Variants in RAD51B observed in about 807,000 individuals in gnomAD.
The protein encoded by RAD51B is DNA repair protein RAD51 homolog 2.
In RAD51B, 38 loss-of-function variants were observed where a neutral mutation model predicts 42.2. That is an observed-to-expected ratio of 0.90 (90% CI 0.70 to 1.18). The LOEUF (loss-of-function observed/expected upper bound fraction) is 1.18, where lower values mean the gene tolerates loss of function less well. Among genes scored for constraint, RAD51B ranks in the 50% most tolerant of loss-of-function variants. The pLI, the probability that RAD51B is intolerant of heterozygous loss-of-function variation, is 0.00. For missense variants in RAD51B, 373 were observed against 400.7 expected (o/e 0.93, Z 0.59); for synonymous variants, 154 against 145.2 (o/e 1.06, Z -0.43).
intron 7 of RAD51B, among the ~76,000 whole-genome samples, chr14:68,059,387 C>T (rs908064122): frequency 6.6e-6 from 1 of 152,184 alleles, no homozygotes; most frequent in Admixed American, 6.6e-5. Context: ...ACCTTCAAGA[C>T]ACAATGGCCT....
At chr14:68,527,266 T>TA (rs146749271) in intron 10 of RAD51B, among the ~76,000 whole-genome samples, 108 of 152,364 alleles carry the variant, frequency 7.1e-4, no homozygotes, top group African/African-American at 2.4e-3. Context: ...TACAGTATTT[T>TA]TCAAAGTAAA....
chr14:68,603,130 A>C (rs1891292333), intron 10 of RAD51B, among the ~76,000 whole-genome samples: 1 of 152,152 alleles, frequency 6.6e-6, no homozygotes, highest in Admixed American at 6.5e-5. Flanking sequence ...CCAGAGTCCG[A>C]ACCTCAGACA....
chr14:68,356,777 C>T (rs1291309124), intron 8 of RAD51B, among the ~76,000 whole-genome samples: 3 of 151,334 alleles, frequency 2.0e-5, no homozygotes, highest in Non-Finnish European at 4.4e-5. Flanking sequence ...GTCAGGAGAT[C>T]GAGACCATCC....
At chr14:68,061,132 A>G (rs2076562137) in intron 7 of RAD51B, among the ~76,000 whole-genome samples, 1 of 140,262 alleles carries the variant, frequency 7.1e-6, no homozygotes, top group Admixed American at 8.0e-5. Context: ...GCAGTCTCTC[A>G]ATCTTGGCTC....
chr14:67,936,352 G>C (rs2044949704), intron 7 of RAD51B, among the ~76,000 whole-genome samples: 2 of 152,168 alleles, frequency 1.3e-5, no homozygotes, highest in African/African-American at 4.8e-5. Context: ...TATAATGTGT[G>C]TTCTTTTGTG....
At chr14:68,383,740 C>A (rs1049908630) in intron 8 of RAD51B, among the ~76,000 whole-genome samples, 4 of 152,074 alleles carry the variant, frequency 2.6e-5, no homozygotes, top group African/African-American at 9.7e-5. Context: ...GGGTCTTCTT[C>A]ACCTGTGCAT....
chr14:68,064,914 A>G (rs924702602), intron 7 of RAD51B, among the ~76,000 whole-genome samples: 5 of 151,974 alleles, frequency 3.3e-5, no homozygotes, highest in African/African-American at 1.2e-4. Flanking sequence ...ATTATTTTGT[A>G]TCTTGCTGAG....
chr14:68,381,525 A>C (rs959875633), intron 8 of RAD51B, among the ~76,000 whole-genome samples: 3 of 151,996 alleles, frequency 2.0e-5, no homozygotes, highest in African/African-American at 7.3e-5. Flanking sequence ...AATACAAAAA[A>C]ATTAACCAGG....
At chr14:68,455,645 A>C (rs563773475) in intron 9 of RAD51B, among the ~76,000 whole-genome samples, 13 of 152,010 alleles carry the variant, frequency 8.6e-5, no homozygotes, top group African/African-American at 2.9e-4. Flanking sequence ...GCATGAACCC[A>C]GGAGGCGGAG....
chr14:68,664,285 C>A (rs1328840187), intron 11 of RAD51B, among the ~76,000 whole-genome samples: 2 of 152,126 alleles, frequency 1.3e-5, no homozygotes, highest in African/African-American at 4.8e-5. Context: ...TAGAGTCCCC[C>A]AACCACCAAG....
chr14:67,878,543 G>A (rs1024457428), intron 5 of RAD51B, among the ~76,000 whole-genome samples: 4 of 151,572 alleles, frequency 2.6e-5, no homozygotes, highest in Admixed American at 2.0e-4. Flanking sequence ...TTGCTTTATG[G>A]CTGTAGTTTT....
At chr14:68,360,281 C>G (rs965494886) in intron 8 of RAD51B, among the ~76,000 whole-genome samples, 1 of 152,248 alleles carries the variant, frequency 6.6e-6, no homozygotes, top group Non-Finnish European at 1.5e-5. Flanking sequence ...CGCTCCCTCT[C>G]CTGGAATGCC....
intron 4 of RAD51B, among the ~76,000 whole-genome samples, chr14:67,857,438 T>G (rs1446605088): frequency 6.6e-6 from 1 of 152,256 alleles, no homozygotes; most frequent in African/African-American, 2.4e-5. Context: ...AAAATGCCAG[T>G]TGCCCTTGTT....
downstream of RAD51B, among the ~76,000 whole-genome samples, chr14:68,597,337 G>T (rs1891040874): frequency 6.6e-6 from 1 of 152,172 alleles, no homozygotes; most frequent in Non-Finnish European, 1.5e-5. Flanking sequence ...AGGGGACATT[G>T]AGGATGACAG....
downstream of RAD51B, among the ~76,000 whole-genome samples, chr14:68,597,084 A>G (rs528272074): frequency 5.5e-4 from 84 of 152,346 alleles, no homozygotes; most frequent in African/African-American, 1.9e-3. Context: ...CCATTTTCTC[A>G]GAAGAAATTA....
At chr14:68,460,201 C>G (rs1235793565) in intron 9 of RAD51B, among the ~76,000 whole-genome samples, 1 of 152,174 alleles carries the variant, frequency 6.6e-6, no homozygotes, top group Non-Finnish European at 1.5e-5. Flanking sequence ...CCTATAATCC[C>G]AGCACTTTGG....
At chr14:67,953,207 A>G (rs964399827) in intron 7 of RAD51B, among the ~76,000 whole-genome samples, 3 of 152,200 alleles carry the variant, frequency 2.0e-5, no homozygotes, top group African/African-American at 7.2e-5. Flanking sequence ...TGAAGGAAGT[A>G]GATGTGAACT....
chr14:68,231,879 G>T (rs1353936182), intron 7 of RAD51B, among the ~76,000 whole-genome samples: 1 of 152,150 alleles, frequency 6.6e-6, no homozygotes, highest in Non-Finnish European at 1.5e-5. Context: ...AGAATATCTT[G>T]CTGAACTTAT....
intron 10 of RAD51B, among the ~76,000 whole-genome samples, chr14:68,601,824 T>G (rs1461920665): frequency 7.2e-5 from 11 of 152,134 alleles, no homozygotes. Context: ...ATGACACTGG[T>G]CACTACCCCT....
Sources: allele counts gnomAD v4.1 joint callset (sites outside exome capture counted in the v4.1 genomes callset), GRCh38; gene constraint gnomAD v4.1.1; transcripts MANE v1.5; gene names NCBI Gene and HGNC (gene_info 2026-07-23, HGNC 2026-07-21).